CTNNA2: variants seen among roughly 807,000 people sequenced by gnomAD.
CTNNA2 encodes the protein catenin alpha-2.
CTNNA2 carries 42 observed loss-of-function variants against 101.0 expected under a neutral mutation model. The observed-to-expected ratio is 0.42, with a 90% CI of 0.32 to 0.54. The LOEUF (loss-of-function observed/expected upper bound fraction) is 0.54, where lower values mean the gene tolerates loss of function less well. CTNNA2 is among the 20% of genes least tolerant of loss of function. CTNNA2 has a pLI of 0.14. For synonymous variants in CTNNA2, 450 were observed against 456.4 expected (o/e 0.99, Z 0.18); for missense variants, 871 against 1,223.1 (o/e 0.71, Z 4.29).
intron 9 of CTNNA2, among the ~76,000 whole-genome samples, chr2:80,515,918 C>A (rs1689072512): frequency 6.6e-6 from 1 of 152,166 alleles, no homozygotes. Flanking sequence ...AAATCCAGAT[C>A]AAAGGAACCA....
chr2:80,608,094 G>T, intron 16 of CTNNA2, 90 bp from the exon 17 acceptor site: 1 of 1,348,724 alleles, frequency 7.4e-7, no homozygotes, highest in Non-Finnish European at 1.0e-6. Context: ...ATATGACACT[G>T]AAAACTTTTC....
chr2:79,701,159 C>T (rs1684975114), intron 2 of CTNNA2, among the ~76,000 whole-genome samples: 2 of 152,066 alleles, frequency 1.3e-5, no homozygotes, highest in African/African-American at 2.4e-5. Flanking sequence ...CCACTATGTT[C>T]CACTAGTATG....
intron 4 of CTNNA2, among the ~76,000 whole-genome samples, chr2:79,436,847 G>A (rs1008167374): frequency 6.6e-6 from 1 of 151,996 alleles, no homozygotes; most frequent in African/African-American, 2.4e-5. Flanking sequence ...TAGCCAGGAT[G>A]GTTTCAATCT....
intron 4 of CTNNA2, among the ~76,000 whole-genome samples, chr2:79,418,496 T>G (rs1211364679): frequency 6.6e-6 from 1 of 152,142 alleles, no homozygotes; most frequent in African/African-American, 2.4e-5. Flanking sequence ...CGCTATAATT[T>G]TCTCACTGTT....
intron 2 of CTNNA2, among the ~76,000 whole-genome samples, chr2:79,690,199 T>A (rs1402468607): frequency 6.6e-6 from 1 of 151,956 alleles, no homozygotes; most frequent in Non-Finnish European, 1.5e-5. Context: ...AATTAGAGAT[T>A]TAAAAAAAGA....
At chr2:80,062,059 A>T (rs1697633315) in intron 7 of CTNNA2, among the ~76,000 whole-genome samples, 1 of 152,200 alleles carries the variant, frequency 6.6e-6, no homozygotes, top group Admixed American at 6.5e-5. Context: ...TTACAAAGGA[A>T]CCTGGGAAAA....
intron 12 of CTNNA2, among the ~76,000 whole-genome samples, chr2:80,565,544 C>T (rs887514550): frequency 4.7e-5 from 7 of 150,466 alleles, no homozygotes; most frequent in Non-Finnish European, 7.4e-5. Flanking sequence ...CATGGTGAAT[C>T]GTGTGGTTGT....
At chr2:79,566,883 C>G (rs1675149907) in intron 1 of CTNNA2, among the ~76,000 whole-genome samples, 1 of 152,052 alleles carries the variant, frequency 6.6e-6, no homozygotes, top group Non-Finnish European at 1.5e-5. Flanking sequence ...ATTTACAACT[C>G]TCATTAACAG....
intron 3 of CTNNA2, among the ~76,000 whole-genome samples, chr2:79,832,120 C>G (rs1678977427): frequency 6.6e-6 from 1 of 152,182 alleles, no homozygotes; most frequent in South Asian, 2.1e-4. Context: ...ATACCCCCAA[C>G]TTCAATCTCA....
intron 7 of CTNNA2, among the ~76,000 whole-genome samples, chr2:80,022,714 A>G (rs1228522785): frequency 1.3e-5 from 2 of 152,212 alleles, no homozygotes; most frequent in African/African-American, 4.8e-5. Context: ...CTTTCTCATG[A>G]CAGGCTTTCT....
At chr2:79,220,110 A>C (rs977146467) in intron 2 of CTNNA2, among the ~76,000 whole-genome samples, 2 of 152,162 alleles carry the variant, frequency 1.3e-5, no homozygotes, top group African/African-American at 4.8e-5. Flanking sequence ...ACTCTTAATC[A>C]GCGCTTCCCC....
At chr2:79,195,750 A>G (rs1199474766) in intron 1 of CTNNA2, 1 of 475,436 alleles carries the variant, frequency 2.1e-6, no homozygotes, top group African/African-American at 2.0e-5. Context: ...GTGTCATATC[A>G]TCTGAAAAAG....
At chr2:79,302,705 G>A (rs1676141555) in intron 2 of CTNNA2, among the ~76,000 whole-genome samples, 1 of 152,056 alleles carries the variant, frequency 6.6e-6, no homozygotes, top group African/African-American at 2.4e-5. Context: ...GAGAAAGAAG[G>A]GAACTAATAT....
intron 4 of CTNNA2, among the ~76,000 whole-genome samples, chr2:79,501,608 T>C (rs914081643): frequency 1.3e-5 from 2 of 152,230 alleles, no homozygotes; most frequent in African/African-American, 4.8e-5. Context: ...CCCAGTGCTT[T>C]AAAATCTTAG....
chr2:79,771,206 G>A (rs974240170), intron 3 of CTNNA2, among the ~76,000 whole-genome samples: 1 of 152,172 alleles, frequency 6.6e-6, no homozygotes, highest in Admixed American at 6.5e-5. Context: ...GCATCAAAAT[G>A]AGAACTAGAA....
At chr2:79,766,784 C>A (rs1173380861) in intron 3 of CTNNA2, among the ~76,000 whole-genome samples, 3 of 150,808 alleles carry the variant, frequency 2.0e-5, no homozygotes, top group Non-Finnish European at 4.4e-5. Context: ...AACACAGAGT[C>A]TTGCTTTGTC....
At chr2:80,444,758 A>G (rs1682926655) in intron 9 of CTNNA2, among the ~76,000 whole-genome samples, 1 of 152,188 alleles carries the variant, frequency 6.6e-6, no homozygotes, top group Admixed American at 6.5e-5. Context: ...GAAGACTGCC[A>G]TGGAAATGAT....
intron 7 of CTNNA2, among the ~76,000 whole-genome samples, chr2:79,968,809 T>C (rs922834063): frequency 2.6e-5 from 4 of 151,320 alleles, no homozygotes; most frequent in African/African-American, 9.7e-5. Context: ...GAAGTTCAAG[T>C]GTTTACATGG....
intron 7 of CTNNA2, among the ~76,000 whole-genome samples, chr2:80,023,378 G>A (rs1269863056): frequency 6.6e-6 from 1 of 152,120 alleles, no homozygotes; most frequent in African/African-American, 2.4e-5. Context: ...GTGTATATGT[G>A]ACTATTATTT....
Sources: gnomAD v4.1 joint callset for allele counts (sites outside exome capture counted in the v4.1 genomes callset) on GRCh38, gnomAD v4.1.1 for gene constraint, MANE v1.5 for transcripts, NCBI Gene and HGNC (gene_info 2026-07-23, HGNC 2026-07-21) for gene names.